Variants in REST observed in about 807,000 individuals in gnomAD.
REST encodes the protein RE1-silencing transcription factor.
REST carries 1 observed loss-of-function variant against 30.4 expected under a neutral mutation model. That is an observed-to-expected ratio of 0.03 (90% CI 0.01 to 0.16). The LOEUF is 0.16. Ranked by LOEUF, REST falls within the 10% of genes least tolerant of loss-of-function variation. The pLI is 1.00. For synonymous variants in REST, 504 were observed against 451.1 expected (o/e 1.12, Z -1.49); for missense variants, 1,259 against 1,329.5 (o/e 0.95, Z 0.82).
At chr4:56,913,118 G>A (rs1720011913) in intron 2 of REST, among the ~76,000 whole-genome samples, 2 of 152,164 alleles carry the variant, frequency 1.3e-5, no homozygotes, top group African/African-American at 4.8e-5. Flanking sequence ...TTTAAATTGG[G>A]TTTTATTCAG....
At position 56,907,989 on chromosome 4, in the gene REST, C is replaced by T. The variant is rs1354871716; in HGVS notation, c.-234C>T. ...GCGAGCGCCGCCGAGGCCCGGGGCCCCAGACCCTGGCGGCGGCTGCCGCAG... is the reference window on the plus strand; with the variant it reads ...GCGAGCGCCGCCGAGGCCCGGGGCCTCAGACCCTGGCGGCGGCTGCCGCAG... On this transcript the variant is annotated 5_prime_UTR_variant, in exon 1 of 4. Transcript: ENST00000309042. The T allele has an allele frequency of 5.4e-6, 2 of 368,974 alleles. No homozygotes were observed. The highest frequency in any genetic ancestry group is 9.7e-6 in the Non-Finnish European group (2 of 207,154). 22.9% of individuals were successfully genotyped at this position (368,974 alleles called of 1,614,324 possible).
At position 56,935,069 on chromosome 4, in the gene REST, A is replaced by G. The variant is rs929663988; in HGVS notation, c.*2917A>G. 2 of 148,524 alleles carry G rather than the reference A, an allele frequency of 1.3e-5. No homozygotes were observed. Among genetic ancestry groups the G allele is most frequent in the Non-Finnish European group, 1.5e-5 (1 of 67,500 alleles). The allele number at this position is 148,524 out of a possible 1,614,324, so 9.2% of individuals were successfully genotyped here. On this transcript the variant is annotated 3_prime_UTR_variant, in exon 4 of 4. Coordinates refer to ENST00000309042, the MANE Select transcript of REST (RefSeq NM_005612.5). ...GCTGGATCTTTTGCTCTAGTCTTCTAAGAAGGGCCATTTTATTTTTTAGAG... is the reference window on the plus strand; with the variant it reads ...GCTGGATCTTTTGCTCTAGTCTTCTGAGAAGGGCCATTTTATTTTTTAGAG...
chr4:56,922,090 G>T (rs1014886423), intron 3 of REST, among the ~76,000 whole-genome samples: 1 of 152,016 alleles, frequency 6.6e-6, no homozygotes, highest in Admixed American at 6.6e-5. Context: ...TGTACTTTGA[G>T]TGTTTTTTTC....
chr4:56,915,242 T>A (rs77343859), intron 2 of REST, among the ~76,000 whole-genome samples: 297 of 45,796 alleles, frequency 6.5e-3, no homozygotes, highest in African/African-American at 0.015. Context: ...GTGTGTGTAT[T>A]TTTTTTTTTT....
At chr4:56,917,425 A>G (rs901859287) in intron 2 of REST, among the ~76,000 whole-genome samples, 1 of 152,096 alleles carries the variant, frequency 6.6e-6, no homozygotes, top group African/African-American at 2.4e-5. Flanking sequence ...TCTGGGCTCA[A>G]ATGATCCGCC....
chr4:56,930,694 G>C lies in REST; in HGVS notation c.1836G>C (p.Gln612His), dbSNP rs1401800389. The C allele has an allele frequency of 6.2e-7, 1 of 1,611,228 alleles. No homozygotes were observed. The highest frequency in any genetic ancestry group is 1.7e-5 in the Admixed American group (1 of 59,204). ...GATCTGCTCAGATGGACCCTCCTCAGATGGGGCCTGCTCCCACAGAGGCGG... is the reference window on the plus strand; with the variant it reads ...GATCTGCTCAGATGGACCCTCCTCACATGGGGCCTGCTCCCACAGAGGCGG... ...EKGSAQMDPP[Q>H]MGPAPTEAVQ... is the part of the protein sequence containing the mutation. The change falls in exon 4 of 4, where the codon CAG (glutamine) becomes CAC (histidine). Residue 612 changes from glutamine to histidine, a missense_variant. Physicochemically the swap from Gln to His is conservative, Grantham distance 24. Coordinates refer to ENST00000309042, the MANE Select transcript of REST (RefSeq NM_005612.5).
intron 3 of REST, 108 bp from the exon 4 acceptor site, chr4:56,929,732 CA>C: frequency 1.1e-6 from 1 of 909,164 alleles, no homozygotes; most frequent in South Asian, 1.9e-5. Flanking sequence ...GTGCATGATA[CA>C]GCATTTTAAA....
intron 3 of REST, among the ~76,000 whole-genome samples, chr4:56,925,388 T>A (rs1245976971): frequency 6.6e-6 from 1 of 152,208 alleles, no homozygotes; most frequent in South Asian, 2.1e-4. Flanking sequence ...AATTTAAAAA[T>A]TTTTTTGTAC....
At position 56,910,770 on chromosome 4, in the gene REST, T is replaced by G. The variant is rs1719856261; in HGVS notation, c.132T>G (p.Pro44=). Residue 44 remains proline (P), a synonymous_variant, in exon 2 of 4, where the codon CCT becomes CCG. Coordinates refer to ENST00000309042, the MANE Select transcript of REST (RefSeq NM_005612.5). ...TTTCCAAAGCTGAACTGGCCGCACC[T>G]CAGCTTATTATGCTGGCAAATGTGG... The part of the protein sequence containing the change: ...HDLSKAELAA[P]QLIMLANVAL... 6.2e-7 allele frequency: 1 copy of G among 1,614,096 alleles called. No individual in the cohort carries two copies. Among genetic ancestry groups the G allele is most frequent in the Non-Finnish European group, 8.5e-7 (1 of 1,180,056 alleles).
chr4:56,931,000 C>T lies in REST; in HGVS notation c.2142C>T (p.Ala714=). The T allele has an allele frequency of 1.2e-6, 2 of 1,614,104 alleles. No homozygotes were observed. Among genetic ancestry groups the T allele is most frequent in the East Asian group, 2.2e-5 (1 of 44,876 alleles). Residue 714 remains alanine (A), a synonymous_variant, in exon 4 of 4, where the codon GCC becomes GCT. Coordinates refer to ENST00000309042, the MANE Select transcript of REST (RefSeq NM_005612.5). ...APMEPAQMEV[A]QVESAPMQVV... is the part of the protein sequence containing the mutation. ...TGGAACCTGCTCAGATGGAGGTTGC[C>T]CAGGTAGAATCTGCTCCCATGCAGG...
In REST at chr4:56,935,381, T is replaced by C. The variant is rs540442682; in HGVS notation, c.*3229T>C. On this transcript the variant is annotated 3_prime_UTR_variant, in exon 4 of 4. Coordinates refer to ENST00000309042, the MANE Select transcript of REST (RefSeq NM_005612.5). ...TAGTGTTAATTCAGATTGAAGAAAT[T>C]ATCTGAATCTTGGTTTGTGTAGATT... 1 of 152,364 alleles carries C rather than the reference T, an allele frequency of 6.6e-6. No individual in the cohort carries two copies. Among genetic ancestry groups the C allele is most frequent in the East Asian group, 1.9e-4 (1 of 5,192 alleles). The allele number at this position is 152,364 out of a possible 1,614,324, so 9.4% of individuals were successfully genotyped here.
intron 1 of REST, 137 bp downstream of exon 1, chr4:56,908,350 CCGG>C (rs1258917566): frequency 3.2e-5 from 5 of 156,166 alleles, no homozygotes; most frequent in Non-Finnish European, 7.0e-5. Flanking sequence ...TACTGTGGCT[CCGG>C]CGGCGGCGGC....
chr4:56,930,074 T>C lies in REST; in HGVS notation c.1216T>C (p.Tyr406His). 6.2e-7 allele frequency: 1 copy of C among 1,614,068 alleles called. No individual in the cohort carries two copies. Among genetic ancestry groups the C allele is most frequent in the Non-Finnish European group, 8.5e-7 (1 of 1,180,004 alleles). Reference protein sequence around the residue: ...YAASKKCNLQYHFKSKHPTCP... With the variant: ...YAASKKCNLQHHFKSKHPTCP... Reference sequence around the variant, plus strand: ...AGCTTCCAAGAAGTGTAATCTACAGTATCACTTCAAATCTAAGCATCCTAC... The same window carrying C: ...AGCTTCCAAGAAGTGTAATCTACAGCATCACTTCAAATCTAAGCATCCTAC... Residue 406 changes from tyrosine to histidine, a missense_variant, in exon 4 of 4, where the codon TAT (tyrosine) becomes CAT (histidine). Tyr to His is a moderately conservative substitution (Grantham distance 83). Coordinates refer to ENST00000309042, the MANE Select transcript of REST (RefSeq NM_005612.5).
At chr4:56,912,624 C>T (rs1439900372) in intron 2 of REST, among the ~76,000 whole-genome samples, 2 of 152,072 alleles carry the variant, frequency 1.3e-5, no homozygotes, top group Non-Finnish European at 1.5e-5. Context: ...AAGCAGTTCT[C>T]CTGCCTCAGC....
Position 56,931,606 on chromosome 4 carries a change from T to C in REST, c.2748T>C (p.Ser916=), listed in dbSNP as rs939428797. 3.7e-6 allele frequency: 6 copies of C among 1,614,130 alleles called. No individual in the cohort carries two copies. In the African/African-American group the frequency reaches 6.7e-5, roughly 18 times the overall value. ...GTCTTGCTGCTAATATCAACGAATC[T>C]ACCCATATTTCATCCTCTGGACAAA... ...LPGLAANINE[S]THISSSGQNL... is the part of the protein sequence containing the mutation. Residue 916 remains serine, a synonymous_variant, in exon 4 of 4, where the codon TCT becomes TCC. Coordinates refer to ENST00000309042, the MANE Select transcript of REST (RefSeq NM_005612.5).
At chr4:56,912,950 CTT>C (rs74519023) in intron 2 of REST, among the ~76,000 whole-genome samples, 3 of 140,982 alleles carry the variant, frequency 2.1e-5, no homozygotes, top group South Asian at 2.3e-4. Flanking sequence ...CCAGCCGAAA[CTT>C]TTTTTTTTTT....
At chr4:56,929,746 G>A in intron 3 of REST, 95 bp from the exon 4 acceptor site, 1 of 1,087,906 alleles carries the variant, frequency 9.2e-7, no homozygotes, top group Non-Finnish European at 1.3e-6. Context: ...ATTTTAAATA[G>A]TCTTTGTTGT....
intron 3 of REST, among the ~76,000 whole-genome samples, chr4:56,925,962 G>A (rs1277305): frequency 0.48 from 73,109 of 151,924 alleles, 18,257 homozygotes; most frequent in Admixed American, 0.59. Flanking sequence ...TTTAATTATA[G>A]TTATTTTATT....
At chr4:56,916,616 G>A (rs924895524) in intron 2 of REST, among the ~76,000 whole-genome samples, 6 of 152,090 alleles carry the variant, frequency 3.9e-5, no homozygotes, top group Admixed American at 1.3e-4. Context: ...CAGCCTGGGC[G>A]ACAGAGCGAG....
Sources: allele counts gnomAD v4.1 joint callset (sites outside exome capture counted in the v4.1 genomes callset), GRCh38; gene constraint gnomAD v4.1.1; transcripts MANE v1.5; gene names NCBI Gene and HGNC (gene_info 2026-07-23, HGNC 2026-07-21).